Variants in SLC13A5 observed in about 807,000 individuals in gnomAD.
SLC13A5 encodes the protein solute carrier family 13 member 5.
In SLC13A5, 25 loss-of-function variants were observed where a neutral mutation model predicts 56.5. That is an observed-to-expected ratio of 0.44 (90% CI 0.32 to 0.62). The LOEUF (loss-of-function observed/expected upper bound fraction) is 0.62. Ranked by LOEUF, SLC13A5 falls within the 20% of genes least tolerant of loss-of-function variation. SLC13A5 has a pLI of 0.04. For missense variants in SLC13A5, 649 were observed against 737.8 expected (o/e 0.88, Z 1.39); for synonymous variants, 307 against 301.5 (o/e 1.02, Z -0.19).
At chr17:6,712,525 C>T (rs1389684900) in intron 1 of SLC13A5, among the ~76,000 whole-genome samples, 4 of 152,236 alleles carry the variant, frequency 2.6e-5, no homozygotes, top group Admixed American at 6.5e-5. Context: ...CCACCCAAGG[C>T]GCGAGCTCTG....
intron 1 of SLC13A5, among the ~76,000 whole-genome samples, chr17:6,709,484 G>T (rs1454644207): frequency 6.6e-6 from 1 of 152,038 alleles, no homozygotes; most frequent in Non-Finnish European, 1.5e-5. Context: ...TGGCCAGGAT[G>T]GTCTTGATCT....
intron 3 of SLC13A5, among the ~76,000 whole-genome samples, chr17:6,706,433 C>T (rs760530052): frequency 4.6e-5 from 7 of 152,228 alleles, no homozygotes; most frequent in Non-Finnish European, 8.8e-5. Context: ...GATTCGAGGA[C>T]CCTTACTTAC....
Position 6,687,229 on chromosome 17 carries a change from T to G in SLC13A5, c.1575+300A>C. On this transcript the variant is annotated intron_variant, in intron 11 of 11. Transcript: ENST00000433363. This position sits in a 1 kb window ranked among gnomAD's most constrained non-coding sequence, Gnocchi z 5.0. ...TTTGTCAAGTTCATCCTTGGCCATA[T>G]GAGTCCCTCAGCCCCACCTTCACCC... 1 of 345,080 alleles carries G rather than the reference T, an allele frequency of 2.9e-6. No homozygotes were observed. The highest frequency in any genetic ancestry group is 5.3e-6 in the Non-Finnish European group (1 of 189,624). The allele number at this position is 345,080 out of a possible 1,614,324, so 21.4% of individuals were successfully genotyped here.
chr17:6,712,547 C>T (rs980059756), intron 1 of SLC13A5, among the ~76,000 whole-genome samples: 6 of 152,210 alleles, frequency 3.9e-5, no homozygotes, highest in Admixed American at 6.5e-5. Context: ...GAATGTGTCC[C>T]GCCTCCTGCT....
At chr17:6,702,210 GTGCC>G (rs757398876) in intron 5 of SLC13A5, among the ~76,000 whole-genome samples, 81 of 152,116 alleles carry the variant, frequency 5.3e-4, no homozygotes, top group Non-Finnish European at 8.4e-4. Context: ...CCTTATTTTT[GTGCC>G]TGCCCACTGC....
chr17:6,702,956 G>T lies in SLC13A5; in HGVS notation c.716+14C>A, dbSNP rs778685847. ...CCACTTCGTTGTCCCCAGAAGGTGC[G>T]ACCAAGGACTCACTCGTTCATCTGG... On this transcript the variant is annotated intron_variant, in intron 5 of 11. Transcript: ENST00000433363. 2 of 1,605,786 alleles carry T rather than the reference G, an allele frequency of 1.2e-6. No individual in the cohort carries two copies. Among genetic ancestry groups the T allele is most frequent in the African/African-American group, 1.3e-5 (1 of 74,852 alleles).
rs193140280 is a variant in SLC13A5, at chr17:6,692,190, T to C, written c.1275+854A>G. On this transcript the variant is annotated intron_variant, in intron 9 of 11. Transcript: ENST00000433363. This position sits in a 1 kb window ranked among gnomAD's most constrained non-coding sequence, Gnocchi z 5.5. ...ATAGATGGGTGGATGGATGGATGGA[T>C]AGATAGATGGGTGGATAGATAGATG... Among the ~76,000 whole-genome samples, 37 of 150,714 alleles carry C rather than the reference T, an allele frequency of 2.5e-4. No homozygotes were observed. Among genetic ancestry groups the C allele is most frequent in the Middle Eastern group, 6.9e-3 (2 of 290 alleles).
chr17:6,694,847 C>T (rs1450802185), intron 7 of SLC13A5, among the ~76,000 whole-genome samples: 6 of 152,176 alleles, frequency 3.9e-5, no homozygotes, highest in African/African-American at 7.2e-5. Flanking sequence ...ACCTTCAAAA[C>T]GAAATGGCCA....
intron 6 of SLC13A5, among the ~76,000 whole-genome samples, chr17:6,697,724 G>A (rs921942626): frequency 1.3e-5 from 2 of 152,158 alleles, no homozygotes; most frequent in Non-Finnish European, 2.9e-5. Context: ...GCTATTACAG[G>A]AGGTAAGCCT....
chr17:6,685,755 A>G lies in SLC13A5; in HGVS notation c.*452T>C, dbSNP rs28635572. ...TGACAGAGATGATCTGAGGCTGCTC[A>G]AGGTGAGCTGGAAGGGACATGGGCA... On this transcript the variant is annotated 3_prime_UTR_variant, in exon 12 of 12. Coordinates refer to ENST00000433363, the MANE Select transcript of SLC13A5 (RefSeq NM_177550.5). The surrounding 1 kb of genome is among the most constrained non-coding windows in gnomAD (Gnocchi z 4.2). 8.4e-3 allele frequency: 1,327 copies of G among 158,440 alleles called. 28 individuals are homozygous for G. Among genetic ancestry groups the G allele is most frequent in the African/African-American group, 0.029 (1,202 of 41,850 alleles). The allele number at this position is 158,440 out of a possible 1,614,324, so 9.8% of individuals were successfully genotyped here. A position where few individuals can be genotyped will look rare whatever the true frequency, so the allele number is the denominator to read the frequency against.
chr17:6,704,202 C>T (rs1015698441), intron 3 of SLC13A5, 146 bp from the exon 4 acceptor site: 35 of 867,952 alleles, frequency 4.0e-5, no homozygotes, highest in Middle Eastern at 4.2e-4. Flanking sequence ...ATAGGGATGA[C>T]GGTTTTAGAG....
chr17:6,695,616 C>T, intron 7 of SLC13A5, 110 bp downstream of exon 7: 2 of 1,036,700 alleles, frequency 1.9e-6, no homozygotes, highest in Non-Finnish European at 2.9e-6. Context: ...GTCTCGATCT[C>T]CTGACCTCAA....
Position 6,692,903 on chromosome 17 carries a change from G to T in SLC13A5, c.1275+141C>A. The stretch of plus-strand genomic sequence containing the variant: ...TGTAGAGTTCCTAGATGACAAGACA[G>T]AGTCCATGTCCTCAAGGAATGTGCG... On this transcript the variant is annotated intron_variant, in intron 9 of 11. Transcript: ENST00000433363. The surrounding 1 kb of genome is among the most constrained non-coding windows in gnomAD (Gnocchi z 5.5). The T allele has an allele frequency of 1.5e-6, 1 of 685,560 alleles. No individual in the cohort carries two copies. The highest frequency in any genetic ancestry group is 2.6e-6 in the Non-Finnish European group (1 of 379,234). The allele number at this position is 685,560 out of a possible 1,614,324, so 42.5% of individuals were successfully genotyped here. A position where few individuals can be genotyped will look rare whatever the true frequency, so the allele number is the denominator to read the frequency against.
At position 6,687,821 on chromosome 17, in the gene SLC13A5, T is replaced by C. The variant is rs576299000; in HGVS notation, c.1438-155A>G. 995 of 942,314 alleles carry C rather than the reference T, an allele frequency of 1.1e-3. 3 individuals are homozygous for C. Among genetic ancestry groups the C allele is most frequent in the African/African-American group, 2.6e-3 (153 of 58,452 alleles). 58.4% of individuals were successfully genotyped at this position (942,314 alleles called of 1,614,324 possible). ...CTTTTGCCACGTCTCTGGCAGATAA[T>C]TCCACCTACGGAACACTGAAGGCTG... On this transcript the variant is annotated intron_variant, in intron 10 of 11. Transcript: ENST00000433363. This position sits in a 1 kb window ranked among gnomAD's most constrained non-coding sequence, Gnocchi z 5.0.
At chr17:6,712,735 A>G (rs1974073243) in intron 1 of SLC13A5, among the ~76,000 whole-genome samples, 1 of 152,216 alleles carries the variant, frequency 6.6e-6, no homozygotes, top group Non-Finnish European at 1.5e-5. Context: ...CACGTGGGTG[A>G]TGATTTTTTT....
At position 6,713,097 on chromosome 17, in the gene SLC13A5, C is replaced by T; in HGVS notation, c.102+135G>A. ...ACCTCCCATCCGGCACCTGGAGCTC[C>T]TGAGTGCGCGCGCCCCGGGAGAGCT... On this transcript the variant is annotated intron_variant, in intron 1 of 11. Coordinates refer to ENST00000433363, the MANE Select transcript of SLC13A5 (RefSeq NM_177550.5). The surrounding 1 kb of genome is among the most constrained non-coding windows in gnomAD (Gnocchi z 7.3). The T allele has an allele frequency of 1.2e-6, 1 of 844,370 alleles. No individual in the cohort carries two copies. The highest frequency in any genetic ancestry group is 1.9e-6 in the Non-Finnish European group (1 of 538,020). 52.3% of individuals were successfully genotyped at this position (844,370 alleles called of 1,614,324 possible).
In SLC13A5 at chr17:6,692,454, A is replaced by T. The variant is rs922128673; in HGVS notation, c.1275+590T>A. Among the ~76,000 whole-genome samples the T allele has an allele frequency of 3.3e-5, 5 of 152,106 alleles. No homozygotes were observed. Among genetic ancestry groups the T allele is most frequent in the African/African-American group, 1.2e-4 (5 of 41,406 alleles). ...TAACTAGACCAAGTCTGTCTATTAC[A>T]CTCCTGGATACTTGGGTAGGTAGAT... is the stretch of plus-strand genomic sequence containing the variant. On this transcript the variant is annotated intron_variant, in intron 9 of 11. Transcript: ENST00000433363. This position sits in a 1 kb window ranked among gnomAD's most constrained non-coding sequence, Gnocchi z 5.5.
At chr17:6,706,911 G>T in intron 2 of SLC13A5, 117 bp downstream of exon 2, 1 of 1,558,258 alleles carries the variant, frequency 6.4e-7, no homozygotes. Context: ...CTGCCAGGGA[G>T]AATCCACAAA....
At chr17:6,703,768 A>G in intron 4 of SLC13A5, 110 bp downstream of exon 4, 1 of 1,202,726 alleles carries the variant, frequency 8.3e-7, no homozygotes, top group Non-Finnish European at 1.1e-6. Context: ...GCGTGTTTAA[A>G]GGAGGGCTCC....
Sources: gnomAD v4.1 joint callset for allele counts (sites outside exome capture counted in the v4.1 genomes callset) on GRCh38, gnomAD v4.1.1 for gene constraint, Gnocchi (gnomAD v3.1) non-coding constraint, MANE v1.5 for transcripts, NCBI Gene and HGNC (gene_info 2026-07-23, HGNC 2026-07-21) for gene names.